The following SLC39A12 variants were observed in gnomAD, a reference collection of about 807,000 sequenced individuals.
SLC39A12 encodes zinc transporter ZIP12.
A neutral mutation model predicts 71.1 loss-of-function variants in SLC39A12; 63 were observed. The ratio of observed to expected loss-of-function variants is 0.89; its 90% CI spans 0.72 to 1.09. The LOEUF (loss-of-function observed/expected upper bound fraction) is 1.09, where lower values mean the gene tolerates loss of function less well. Among genes scored for constraint, SLC39A12 ranks in the 50% least tolerant of loss-of-function variants. SLC39A12 has a pLI of 0.00. For missense variants in SLC39A12, 892 were observed against 812.6 expected, an observed-to-expected ratio of 1.10 and a Z score of -1.19; for synonymous variants, 351 against 301.3, an observed-to-expected ratio of 1.16 and a Z score of -1.71.
At position 18,036,794 on chromosome 10, in the gene SLC39A12, A is replaced by ATT. The variant is rs746691202; in HGVS notation, c.1948-5901_1948-5900dup. 7.6e-3 allele frequency among the ~76,000 whole-genome samples: 704 copies of ATT among 92,712 alleles called. 42 individuals are homozygous for ATT. The highest frequency in any genetic ancestry group is 0.018 in the South Asian group (41 of 2,292). The allele number at this position is 92,712 out of a possible 152,430, so 60.8% of individuals were successfully genotyped here. On this transcript the variant is annotated intron_variant, in intron 12 of 12. Coordinates refer to ENST00000377369, the MANE Select transcript of SLC39A12 (RefSeq NM_001145195.2). ...TATATATATATATATATATATATATATTTTTTTTTTTAATGGAATCTCACT... is the reference window on the plus strand; with the variant it reads ...TATATATATATATATATATATATATATTTTTTTTTTTTTAATGGAATCTCACT...
Position 18,000,833 on chromosome 10 carries a change from C to T in SLC39A12, c.1759+8C>T, listed in dbSNP as rs368197868. On this transcript the variant is annotated splice_region_variant and intron_variant, in intron 11 of 12. Transcript: ENST00000377369. ...AAATCCCACATGAAATGGGTAAGTT[C>T]AACAATGGAATTACTGTTTCTGGCC... 1.2e-6 allele frequency: 2 copies of T among 1,612,216 alleles called. No individual in the cohort carries two copies. Among genetic ancestry groups the T allele is most frequent in the African/African-American group, 2.7e-5 (2 of 74,856 alleles).
At chr10:17,968,538 G>A (rs1190504859) in intron 4 of SLC39A12, among the ~76,000 whole-genome samples, 1 of 152,066 alleles carries the variant, frequency 6.6e-6, no homozygotes, top group East Asian at 1.9e-4. Flanking sequence ...AGGCAGGTCT[G>A]CTAGCAATAA....
intron 6 of SLC39A12, among the ~76,000 whole-genome samples, chr10:17,986,965 A>G (rs991384421): frequency 6.6e-6 from 1 of 151,980 alleles, no homozygotes; most frequent in African/African-American, 2.4e-5. Flanking sequence ...TAATCACACC[A>G]CTCCACCCCA....
At chr10:18,005,788 A>T (rs1218325150) in intron 12 of SLC39A12, 5 of 152,194 alleles carry the variant, frequency 3.3e-5, no homozygotes, top group Admixed American at 1.3e-4. Context: ...AGCTGGCATA[A>T]ATCTTGACCC....
intron 4 of SLC39A12, among the ~76,000 whole-genome samples, chr10:17,971,418 GCTT>G (rs1314168114): frequency 4.0e-5 from 6 of 151,532 alleles, no homozygotes; most frequent in Admixed American, 1.3e-4. Flanking sequence ...TGGTATTAGT[GCTT>G]CTTAAATGTT....
chr10:18,036,522 G>T (rs537484360), intron 12 of SLC39A12, among the ~76,000 whole-genome samples: 3 of 151,552 alleles, frequency 2.0e-5, no homozygotes, highest in Admixed American at 6.6e-5. Flanking sequence ...CACGGTGCGC[G>T]CACCCACTGG....
intron 3 of SLC39A12, among the ~76,000 whole-genome samples, chr10:17,963,555 C>T (rs552682398): frequency 6.6e-6 from 1 of 152,334 alleles, no homozygotes; most frequent in South Asian, 2.1e-4. Flanking sequence ...CCCTTTGCTA[C>T]ACCTCAGGCC....
chr10:17,976,211 G>A (rs1414653724), intron 4 of SLC39A12, among the ~76,000 whole-genome samples: 1 of 152,004 alleles, frequency 6.6e-6, no homozygotes, highest in African/African-American at 2.4e-5. Flanking sequence ...TCCTTGTGGG[G>A]AGATGATTGG....
At chr10:18,040,281 G>A (rs1837184052) in intron 12 of SLC39A12, among the ~76,000 whole-genome samples, 1 of 152,204 alleles carries the variant, frequency 6.6e-6, no homozygotes, top group South Asian at 2.1e-4. Context: ...CACCAAAAGA[G>A]CATGTAATTT....
chr10:18,002,093 C>A (rs1420482046), intron 11 of SLC39A12: 1 of 152,032 alleles, frequency 6.6e-6, no homozygotes, highest in Non-Finnish European at 1.5e-5. Context: ...CAATATAGCC[C>A]TGTTCTTTGC....
chr10:17,970,950 G>C (rs1396610803), intron 4 of SLC39A12, among the ~76,000 whole-genome samples: 1 of 151,828 alleles, frequency 6.6e-6, no homozygotes, highest in African/African-American at 2.4e-5. Flanking sequence ...AATATATATA[G>C]CTTTTATTAT....
At chr10:17,954,756 G>A (rs1470156847) in intron 2 of SLC39A12, among the ~76,000 whole-genome samples, 2 of 151,714 alleles carry the variant, frequency 1.3e-5, no homozygotes, top group Non-Finnish European at 2.9e-5. Context: ...ACATAAATAA[G>A]TAAAACAAAA....
At chr10:17,978,883 AG>A (rs1835184215) in intron 5 of SLC39A12, among the ~76,000 whole-genome samples, 1 of 152,140 alleles carries the variant, frequency 6.6e-6, no homozygotes, top group Non-Finnish European at 1.5e-5. Context: ...GGCCTTTCCA[AG>A]GGCTGTGGGC....
intron 12 of SLC39A12, among the ~76,000 whole-genome samples, chr10:18,007,561 A>C (rs1351427323): frequency 6.6e-6 from 1 of 152,220 alleles, no homozygotes; most frequent in African/African-American, 2.4e-5. Flanking sequence ...AGAAAGTAAA[A>C]GGATAAAAGA....
At chr10:18,000,065 T>A (rs561244480) in intron 10 of SLC39A12, among the ~76,000 whole-genome samples, 2 of 152,300 alleles carry the variant, frequency 1.3e-5, no homozygotes, top group East Asian at 3.9e-4. Context: ...TTTCTCATGG[T>A]CCTGGAGCCT....
intron 12 of SLC39A12, among the ~76,000 whole-genome samples, chr10:18,024,832 A>G (rs1430170674): frequency 3.3e-5 from 5 of 152,216 alleles, no homozygotes; most frequent in African/African-American, 1.2e-4. Context: ...TTCCTGGAGT[A>G]TTAAATCATT....
chr10:17,964,834 G>A (rs1834781832), intron 3 of SLC39A12, among the ~76,000 whole-genome samples: 1 of 152,130 alleles, frequency 6.6e-6, no homozygotes, highest in African/African-American at 2.4e-5. Context: ...CACTTAAAGC[G>A]GGGAGAGAAA....
intron 10 of SLC39A12, among the ~76,000 whole-genome samples, chr10:17,997,033 A>AAAAG (rs759467021): frequency 9.6e-4 from 145 of 151,544 alleles, no homozygotes; most frequent in Non-Finnish European, 1.7e-3. Context: ...AAAAAAAAAA[A>AAAAG]AAAAGAAAAA....
At position 18,042,874 on chromosome 10, in the gene SLC39A12, TCTTA is replaced by T. The variant is rs772538277; in HGVS notation, c.*45_*48del. The T allele has an allele frequency of 1.3e-6, 2 of 1,549,240 alleles. No individual in the cohort carries two copies. The highest frequency in any genetic ancestry group is 2.5e-5 in the South Asian group (2 of 81,536). ...ATCTTTCAAAAATGCATTTATATAG[TCTTA>T]CTTTGTTTCTTTCATTGCACTCTAT... On this transcript the variant is annotated 3_prime_UTR_variant, in exon 13 of 13. Coordinates refer to ENST00000377369, the MANE Select transcript of SLC39A12 (RefSeq NM_001145195.2).
Sources: gnomAD v4.1 joint callset for allele counts (sites outside exome capture counted in the v4.1 genomes callset) on GRCh38, gnomAD v4.1.1 for gene constraint, MANE v1.5 for transcripts, NCBI Gene and HGNC (gene_info 2026-07-23, HGNC 2026-07-21) for gene names.